The following KIR2DL3 variants were observed in gnomAD, a reference collection of about 807,000 sequenced individuals.
The protein encoded by KIR2DL3 is killer cell immunoglobulin-like receptor 2DL3.
KIR2DL3 carries 39 observed loss-of-function variants against 33.8 expected under a neutral mutation model. The observed-to-expected ratio is 1.15, with a 90% CI of 0.89 to 1.51. The LOEUF (loss-of-function observed/expected upper bound fraction) is 1.51, where lower values mean the gene tolerates loss of function less well. KIR2DL3 is among the 40% of genes most tolerant of loss of function. The probability of loss-of-function intolerance (pLI) is 0.00; values close to 1 mark genes in which losing one functional copy is unlikely to be tolerated. For missense variants in KIR2DL3, 462 were observed against 426.2 expected (o/e 1.08, Z -0.74); for synonymous variants, 174 against 160.2 (o/e 1.09, Z -0.65).
chr19:54,744,733 G>A (rs1600379165), intron 4 of KIR2DL3, among the ~76,000 whole-genome samples: 1 of 150,166 alleles, frequency 6.7e-6, no homozygotes, highest in Non-Finnish European at 1.5e-5. Context: ...CACCATGTTG[G>A]TCGAGCTGGT....
At chr19:54,738,613 C>A (rs755109161) in intron 1 of KIR2DL3, 34 bp downstream of exon 1, 31 of 1,612,912 alleles carry the variant, frequency 1.9e-5, no homozygotes, top group South Asian at 5.5e-5. Context: ...GGAGGGAGTG[C>A]GGGGATGGAG....
chr19:54,738,854 T>G (rs2070324524), intron 1 of KIR2DL3, among the ~76,000 whole-genome samples: 14 of 78,342 alleles, frequency 1.8e-4, no homozygotes, highest in Admixed American at 4.4e-4. Flanking sequence ...GGGCCTGCAG[T>G]AGAGATAGGG....
chr19:54,744,950 ATATATTTTTTTT>A (rs1338004011), intron 4 of KIR2DL3, among the ~76,000 whole-genome samples: 23 of 26,780 alleles, frequency 8.6e-4, no homozygotes, highest in South Asian at 1.4e-3. Flanking sequence ...ATATATATAT[ATATATTTTTTTT>A]TTTTTTTTTT....
chr19:54,747,000 AC>A (rs2072613482), intron 4 of KIR2DL3, among the ~76,000 whole-genome samples: 2 of 130,606 alleles, frequency 1.5e-5, no homozygotes, highest in African/African-American at 5.7e-5. Context: ...AAAGAAAAAA[AC>A]ATTGGAGGTA....
At chr19:54,741,872 A>G (rs1175375980) in intron 2 of KIR2DL3, 108 bp from the exon 3 acceptor site, 22 of 1,297,188 alleles carry the variant, frequency 1.7e-5, no homozygotes, top group Admixed American at 4.2e-5. Flanking sequence ...AGACACAGAG[A>G]GGAAGGAGAG....
intron 4 of KIR2DL3, among the ~76,000 whole-genome samples, chr19:54,744,946 ATATATATATTTTTTTTT>A (rs1454889672): frequency 3.8e-5 from 1 of 26,208 alleles, no homozygotes; most frequent in Non-Finnish European, 7.5e-5. Context: ...ATATATATAT[ATATATATATTTTTTTTT>A]TTTTTTTTTT....
rs780862785 is a variant in KIR2DL3 at position 54,743,994 on chromosome 19, C to T, written c.570C>T (p.Ala190=). ...TFQADFPLGP[A]THGGTYRCFG... is the part of the protein sequence containing the mutation. ...AGGCCGACTTTCCTCTGGGCCCTGCCACCCACGGAGGAACCTACAGATGCT... is the reference window on the plus strand; with the variant it reads ...AGGCCGACTTTCCTCTGGGCCCTGCTACCCACGGAGGAACCTACAGATGCT... The change falls in exon 4 of 8, where the codon GCC becomes GCT. Residue 190 remains alanine, a synonymous_variant. Transcript: ENST00000342376. The T allele has an allele frequency of 6.2e-7, 1 of 1,614,232 alleles. No individual in the cohort carries two copies.
intron 1 of KIR2DL3, among the ~76,000 whole-genome samples, chr19:54,739,010 A>G (rs1238573647): frequency 3.6e-5 from 3 of 83,666 alleles, no homozygotes; most frequent in African/African-American, 9.4e-5. Context: ...GGCCTGCAGT[A>G]GAGATATGGG....
intron 4 of KIR2DL3, among the ~76,000 whole-genome samples, chr19:54,745,683 G>A (rs1205338593): frequency 6.6e-6 from 1 of 151,596 alleles, no homozygotes; most frequent in Non-Finnish European, 1.5e-5. Context: ...TTCTTTAAAG[G>A]ACTTCCACAC....
chr19:54,741,540 C>T (rs1256184792), intron 2 of KIR2DL3, among the ~76,000 whole-genome samples: 2 of 151,938 alleles, frequency 1.3e-5, no homozygotes, highest in African/African-American at 4.8e-5. Context: ...GGCTCCCAGT[C>T]CCCACCAGGA....
At chr19:54,739,171 T>C (rs1427163447) in intron 1 of KIR2DL3, among the ~76,000 whole-genome samples, 3 of 147,540 alleles carry the variant, frequency 2.0e-5, no homozygotes, top group African/African-American at 7.6e-5. Context: ...AGTGGAGATA[T>C]GGGCTTAGGG....
intron 5 of KIR2DL3, among the ~76,000 whole-genome samples, chr19:54,750,409 C>T (rs143612569): frequency 0.048 from 6,861 of 141,548 alleles, 614 homozygotes; most frequent in Middle Eastern, 0.091. Flanking sequence ...AGCAGCCTAA[C>T]ATGTGTCTCC....
At chr19:54,739,631 C>A in intron 2 of KIR2DL3, 89 bp downstream of exon 2, 1 of 1,569,720 alleles carries the variant, frequency 6.4e-7, no homozygotes. Context: ...GGGAGTCTCT[C>A]ATAAACTAGG....
At chr19:54,742,405 G>A (rs1345313950) in intron 3 of KIR2DL3, 126 bp downstream of exon 3, 4 of 1,385,632 alleles carry the variant, frequency 2.9e-6, no homozygotes, top group Non-Finnish European at 4.0e-6. Flanking sequence ...GACTTGCTGA[G>A]GTTTGTACCA....
At position 54,739,996 on chromosome 19, in the gene KIR2DL3, T is replaced by C. The variant is rs892981718; in HGVS notation, c.70+454T>C. Among the ~76,000 whole-genome samples the C allele has an allele frequency of 3.6e-3, 537 of 150,394 alleles. 5 individuals carry two copies. Among genetic ancestry groups the C allele is most frequent in the African/African-American group, 0.013 (516 of 40,970 alleles). ...ATTCACAAAGGACATGCCCTCCACC[T>C]CATGTCTACCCTGTGTTGTTTTATG... On this transcript the variant is annotated intron_variant, in intron 2 of 7. Transcript: ENST00000342376.
At chr19:54,742,968 CAT>C (rs2071465833) in intron 3 of KIR2DL3, among the ~76,000 whole-genome samples, 1 of 151,706 alleles carries the variant, frequency 6.6e-6, no homozygotes, top group African/African-American at 2.4e-5. Context: ...CTCACAGACA[CAT>C]AAAGAGAGAG....
chr19:54,738,814 A>G (rs1424175437), intron 1 of KIR2DL3, among the ~76,000 whole-genome samples: 5 of 96,770 alleles, frequency 5.2e-5, no homozygotes, highest in African/African-American at 8.2e-5. Context: ...GGGCCTGGAG[A>G]TGGAGATATG....
rs752251784 is a variant in KIR2DL3, at chr19:54,741,968, C to T, written c.71-12C>T. The T allele has an allele frequency of 2.5e-6, 4 of 1,598,420 alleles. No homozygotes were observed. The highest frequency in any genetic ancestry group is 2.2e-5 in the East Asian group (1 of 44,796). ...GAGAGACACCTTCTAAACTCACAAC[C>T]TCTCTTCCTAGGAGTCCACAGAAAA... On this transcript the variant is annotated splice_polypyrimidine_tract_variant and intron_variant, in intron 2 of 7. Coordinates refer to ENST00000342376, the MANE Select transcript of KIR2DL3 (RefSeq NM_015868.3).
chr19:54,752,281 C>G lies in KIR2DL3; in HGVS notation c.873+13C>G, dbSNP rs550467589. On this transcript the variant is annotated intron_variant, in intron 7 of 7. Transcript: ENST00000342376. The stretch of plus-strand genomic sequence containing the variant: ...AGTGAACAGGGAGGTAGGTGCTCCT[C>G]GGCCCAGCCTCGTGGCTAGTGTTAT... 8 of 1,486,254 alleles carry G rather than the reference C, an allele frequency of 5.4e-6. 2 individuals are homozygous for G. The highest frequency in any genetic ancestry group is 5.5e-6 in the Non-Finnish European group (6 of 1,088,196). 92.1% of individuals were successfully genotyped at this position (1,486,254 alleles called of 1,614,324 possible). A position where few individuals can be genotyped will look rare whatever the true frequency, so the allele number is the denominator to read the frequency against.
Sources: allele counts gnomAD v4.1 joint callset (sites outside exome capture counted in the v4.1 genomes callset), GRCh38; gene constraint gnomAD v4.1.1; transcripts MANE v1.5; gene names NCBI Gene and HGNC (gene_info 2026-07-23, HGNC 2026-07-21).